The following CNTN3 variants were observed in gnomAD, a reference collection of about 807,000 sequenced individuals.
The protein encoded by CNTN3 is contactin-3.
A neutral mutation model predicts 119.1 loss-of-function variants in CNTN3; 60 were observed. The observed-to-expected ratio is 0.50, with a 90% CI of 0.41 to 0.62. CNTN3 has a LOEUF of 0.62. CNTN3 is among the 20% of genes least tolerant of loss of function. CNTN3 has a pLI of 0.00. For synonymous variants in CNTN3, 450 were observed against 438.7 expected, an observed-to-expected ratio of 1.03 and a Z score of -0.32; for missense variants, 1,101 against 1,242.4, an observed-to-expected ratio of 0.89 and a Z score of 1.71.
chr3:74,539,046 T>A (rs1703804024), intron 1 of CNTN3, among the ~76,000 whole-genome samples: 1 of 152,124 alleles, frequency 6.6e-6, no homozygotes, highest in African/African-American at 2.4e-5. Context: ...ATGGTCTTTT[T>A]CTAATATTTT....
At chr3:74,434,703 T>C (rs888927024) in intron 4 of CNTN3, among the ~76,000 whole-genome samples, 2 of 152,194 alleles carry the variant, frequency 1.3e-5, no homozygotes, top group African/African-American at 4.8e-5. Context: ...ACCTCTGCTA[T>C]TGTTGCAAGG....
At position 74,364,598 on chromosome 3, in the gene CNTN3, T is replaced by C. The variant is rs1704147247; in HGVS notation, c.1084-2A>G. 6.3e-7 allele frequency: 1 copy of C among 1,597,090 alleles called. No homozygotes were observed. The highest frequency in any genetic ancestry group is 1.3e-5 in the African/African-American group (1 of 74,420). The stretch of plus-strand genomic sequence containing the variant: ...ACCATTTTCTATCTGTGTTCTCTCC[T>C]AGATGATAATAAAAATATCTTTCAT... On this transcript the variant is annotated splice_acceptor_variant, in intron 9 of 22. Transcript: ENST00000263665. LOFTEE classifies it high-confidence loss of function.
intron 1 of CNTN3, among the ~76,000 whole-genome samples, chr3:74,582,249 A>G (rs1704521666): frequency 6.6e-6 from 1 of 152,058 alleles, no homozygotes; most frequent in East Asian, 1.9e-4. Flanking sequence ...CACTAAAAAT[A>G]CAAAAAATTA....
In CNTN3 at chr3:74,364,557, T is replaced by C. The variant is rs768829592; in HGVS notation, c.1123A>G (p.Asn375Asp). The C allele has an allele frequency of 1.2e-6, 2 of 1,611,412 alleles. No individual in the cohort carries two copies. Among genetic ancestry groups the C allele is most frequent in the South Asian group, 1.1e-5 (1 of 91,022 alleles). ...QIENGALTIS[N>D]LSVTDSGMFQ... ...ATGCCAGAATCAGTCACACTTAGGT[T>C]TGATATTGTAAGGGCACCATTTTCT... Residue 375 changes from asparagine to aspartate, a missense_variant, in exon 10 of 23, where the codon AAC (asparagine) becomes GAC (aspartate). Transcript: ENST00000263665.
At chr3:74,587,128 G>T (rs974059470) in intron 1 of CNTN3, among the ~76,000 whole-genome samples, 1 of 151,934 alleles carries the variant, frequency 6.6e-6, no homozygotes, top group African/African-American at 2.4e-5. Flanking sequence ...CCATGGAGGG[G>T]AAAAAAAGCA....
chr3:74,514,323 T>G (rs1397089136), intron 2 of CNTN3, among the ~76,000 whole-genome samples: 2 of 152,136 alleles, frequency 1.3e-5, no homozygotes, highest in Non-Finnish European at 2.9e-5. Flanking sequence ...GATAGAGAAA[T>G]AAATTCTAAC....
chr3:74,552,977 T>A (rs1003239789), intron 1 of CNTN3, among the ~76,000 whole-genome samples: 6 of 152,308 alleles, frequency 3.9e-5, no homozygotes, highest in African/African-American at 1.4e-4. Flanking sequence ...GAGTTACATG[T>A]GCAGAACGTG....
At chr3:74,404,809 T>A (rs10779998) in intron 5 of CNTN3, among the ~76,000 whole-genome samples, 52,872 of 151,764 alleles carry the variant, frequency 0.35, 9,790 homozygotes, top group East Asian at 0.69. Context: ...AATAGTCTAT[T>A]TAAAATTCAG....
intron 1 of CNTN3, among the ~76,000 whole-genome samples, chr3:74,606,308 T>C (rs1477936004): frequency 6.6e-6 from 1 of 152,026 alleles, no homozygotes; most frequent in African/African-American, 2.4e-5. Context: ...CTCCCCATCA[T>C]TTGATTTTAA....
intron 1 of CNTN3, among the ~76,000 whole-genome samples, chr3:74,564,418 A>G (rs1056526012): frequency 6.6e-6 from 1 of 151,900 alleles, no homozygotes; most frequent in African/African-American, 2.4e-5. Flanking sequence ...CAAAAACAAG[A>G]GAAGCTGTTG....
chr3:74,291,999 C>T (rs934703576), intron 19 of CNTN3, among the ~76,000 whole-genome samples: 1 of 152,114 alleles, frequency 6.6e-6, no homozygotes, highest in Admixed American at 6.5e-5. Context: ...GGAAATTTCT[C>T]TTCTATGTTT....
chr3:74,596,009 A>T (rs1443437569), intron 1 of CNTN3, among the ~76,000 whole-genome samples: 1 of 152,158 alleles, frequency 6.6e-6, no homozygotes, highest in Non-Finnish European at 1.5e-5. Flanking sequence ...ATACAAAATC[A>T]ATGTACAAAA....
chr3:74,410,597 G>A (rs996905576), intron 5 of CNTN3, among the ~76,000 whole-genome samples: 8 of 152,146 alleles, frequency 5.3e-5, no homozygotes, highest in African/African-American at 1.4e-4. Flanking sequence ...CACTTCAGAT[G>A]TCATTTCATG....
chr3:74,278,371 T>C (rs1021842407), intron 20 of CNTN3, among the ~76,000 whole-genome samples: 15 of 152,044 alleles, frequency 9.9e-5, no homozygotes, highest in Admixed American at 4.6e-4. Flanking sequence ...TATAAGGCCA[T>C]AGTCACCAAA....
chr3:74,301,924 A>G (rs1702467873), intron 14 of CNTN3, 119 bp from the exon 15 acceptor site: 4 of 1,120,328 alleles, frequency 3.6e-6, no homozygotes, highest in Non-Finnish European at 5.1e-6. Context: ...CCAATTTCAG[A>G]AGCACTTAGG....
intron 4 of CNTN3, among the ~76,000 whole-genome samples, chr3:74,467,906 G>C (rs1702493641): frequency 6.6e-6 from 1 of 152,172 alleles, no homozygotes; most frequent in South Asian, 2.1e-4. Flanking sequence ...TTCTAAGCAA[G>C]AATCTTTCTG....
intron 1 of CNTN3, among the ~76,000 whole-genome samples, chr3:74,530,001 T>G (rs2107134086): frequency 6.6e-6 from 1 of 152,086 alleles, no homozygotes; most frequent in East Asian, 2.0e-4. Context: ...CTGTGCACAC[T>G]AGCCCAGACC....
intron 4 of CNTN3, among the ~76,000 whole-genome samples, chr3:74,473,639 G>A (rs1401369019): frequency 6.6e-6 from 1 of 152,110 alleles, no homozygotes; most frequent in Non-Finnish European, 1.5e-5. Context: ...GAACAACATA[G>A]TCTTTTAATC....
intron 5 of CNTN3, among the ~76,000 whole-genome samples, chr3:74,380,632 C>A (rs959936473): frequency 2.6e-5 from 4 of 152,194 alleles, no homozygotes; most frequent in African/African-American, 9.7e-5. Context: ...TTTAATGAAT[C>A]CAAACGTAGT....
Sources: gnomAD v4.1 joint callset for allele counts (sites outside exome capture counted in the v4.1 genomes callset) on GRCh38, gnomAD v4.1.1 for gene constraint, MANE v1.5 for transcripts, NCBI Gene and HGNC (gene_info 2026-07-23, HGNC 2026-07-21) for gene names.